Variants in GATAD1 observed in about 807,000 individuals in gnomAD.
The protein encoded by GATAD1 is GATA zinc finger domain-containing protein 1.
A neutral mutation model predicts 26.5 loss-of-function variants in GATAD1; 12 were observed. That is an observed-to-expected ratio of 0.45 (90% CI 0.29 to 0.73). The LOEUF is 0.73. Ranked by LOEUF, GATAD1 falls within the 30% of genes least tolerant of loss-of-function variation. The probability of loss-of-function intolerance (pLI) is 0.10; values close to 1 mark genes in which losing one functional copy is unlikely to be tolerated. For missense variants in GATAD1, 266 were observed against 342.1 expected, an observed-to-expected ratio of 0.78 and a Z score of 1.75; for synonymous variants, 129 against 133.1, an observed-to-expected ratio of 0.97 and a Z score of 0.21.
chr7:92,477,727 G>A, the GATAD1 span: 75 of 175,376 alleles, frequency 4.3e-4, no homozygotes, highest in African/African-American at 1.7e-3. Context: ...TGGGCGCCTC[G>A]CTGGATCAGG....
the GATAD1 span, among the ~76,000 whole-genome samples, chr7:92,465,851 A>C: frequency 6.6e-6 from 1 of 151,720 alleles, no homozygotes; most frequent in Non-Finnish European, 1.5e-5. Context: ...AAATACAAAA[A>C]TTAGCCCGGC....
Position 92,447,845 on chromosome 7 carries a change from C to G in GATAD1, c.116C>G (p.Ala39Gly). ...CATCATTGCACTGGCCGGGGCGGCG[C>G]GGGCAGCGGGGGCGCAGGCTCGGGG... ...LCHHCTGRGG[A>G]GSGGAGSGAA... is the part of the protein sequence containing the mutation. Residue 39 changes from alanine (A) to glycine (G), a missense_variant, in exon 1 of 5, where the codon GCG (alanine) becomes GGG (glycine). Ala to Gly is a moderately conservative substitution (Grantham distance 60). Coordinates refer to ENST00000287957, the MANE Select transcript of GATAD1 (RefSeq NM_021167.5). 1 of 1,393,084 alleles carries G rather than the reference C, an allele frequency of 7.2e-7. No individual in the cohort carries two copies. 86.3% of individuals were successfully genotyped at this position (1,393,084 alleles called of 1,614,324 possible).
rs1378111869 is a variant in GATAD1, at chr7:92,448,871, G to A, written c.369G>A (p.Leu123=). The part of the protein sequence containing the change: ...KGKGRRHIFK[L]KNPIKAPESV... ...AAGGGAGAAGACATATATTTAAATTGAAAAATGTAAGATATTTGTGGACAG... is the reference window on the plus strand; with the variant it reads ...AAGGGAGAAGACATATATTTAAATTAAAAAATGTAAGATATTTGTGGACAG... Residue 123 remains leucine, a synonymous_variant, in exon 2 of 5, where the codon TTG becomes TTA. Coordinates refer to ENST00000287957, the MANE Select transcript of GATAD1 (RefSeq NM_021167.5). 3 of 1,611,694 alleles carry A rather than the reference G, an allele frequency of 1.9e-6. No homozygotes were observed. Among genetic ancestry groups the A allele is most frequent in the East Asian group, 2.2e-5 (1 of 44,874 alleles).
the GATAD1 span, among the ~76,000 whole-genome samples, chr7:92,486,592 C>T: frequency 6.6e-6 from 1 of 152,120 alleles, no homozygotes; most frequent in Admixed American, 6.6e-5. Context: ...AACCTTGAAC[C>T]TCCTGGGAGC....
chr7:92,481,035 C>T, the GATAD1 span, among the ~76,000 whole-genome samples: 10 of 152,178 alleles, frequency 6.6e-5, no homozygotes, highest in Non-Finnish European at 1.3e-4. Flanking sequence ...GCAATCAGTT[C>T]GGCTTGCTGA....
chr7:92,483,303 A>G, the GATAD1 span, among the ~76,000 whole-genome samples: 1 of 152,326 alleles, frequency 6.6e-6, no homozygotes, highest in South Asian at 2.1e-4. Flanking sequence ...GCTGCAGTTC[A>G]GGTGTTTTGA....
chr7:92,454,728 A>T (rs763974809), intron 4 of GATAD1, 43 bp downstream of exon 4: 1 of 1,317,076 alleles, frequency 7.6e-7, no homozygotes, highest in South Asian at 1.3e-5. Context: ...AACTTAGTTA[A>T]CTCTCCAATA....
At chr7:92,474,269 G>GT in the GATAD1 span, among the ~76,000 whole-genome samples, 64 of 152,266 alleles carry the variant, frequency 4.2e-4, no homozygotes, top group African/African-American at 1.5e-3. Flanking sequence ...GACTTTTGAA[G>GT]TTTTTTTCTA....
chr7:92,474,299 T>C, the GATAD1 span, among the ~76,000 whole-genome samples: 2 of 152,106 alleles, frequency 1.3e-5, no homozygotes, highest in Admixed American at 6.5e-5. Flanking sequence ...GCTGACTGAG[T>C]GATAAACTTA....
At chr7:92,494,214 A>G in the GATAD1 span, 1 of 1,055,454 alleles carries the variant, frequency 9.5e-7, no homozygotes. Flanking sequence ...GACAATTGCC[A>G]TTACCTGGCA....
intron 4 of GATAD1, among the ~76,000 whole-genome samples, chr7:92,455,021 A>C (rs1422464550): frequency 6.6e-6 from 1 of 151,742 alleles, no homozygotes; most frequent in African/African-American, 2.4e-5. Flanking sequence ...TTATGGTTTC[A>C]TTTAACCTTA....
the GATAD1 span, among the ~76,000 whole-genome samples, chr7:92,477,108 C>T: frequency 1.3e-5 from 2 of 152,172 alleles, no homozygotes; most frequent in Non-Finnish European, 2.9e-5. Flanking sequence ...CGGCTACTGC[C>T]GGGAGTTCAG....
the GATAD1 span, chr7:92,489,698 G>A: frequency 2.5e-6 from 4 of 1,604,512 alleles, no homozygotes; most frequent in East Asian, 2.2e-5. Context: ...TTATAATGAG[G>A]GGGAAAAAGC....
At chr7:92,487,588 C>A in the GATAD1 span, 12 of 819,732 alleles carry the variant, frequency 1.5e-5, no homozygotes, top group Admixed American at 4.1e-5. Flanking sequence ...ACTACCATTA[C>A]AAAACAAAAG....
the GATAD1 span, chr7:92,470,522 T>C: frequency 8.8e-5 from 52 of 593,150 alleles, 1 homozygote; most frequent in East Asian, 1.5e-3. Context: ...TTGACTCAAG[T>C]GTGATGTATC....
chr7:92,449,112 A>G, intron 2 of GATAD1: 1 of 1,183,988 alleles, frequency 8.4e-7, no homozygotes, highest in Non-Finnish European at 1.1e-6. Flanking sequence ...TTCCCCTGGA[A>G]AATATAAAAT....
the GATAD1 span, chr7:92,489,654 A>G: frequency 6.8e-7 from 1 of 1,470,000 alleles, no homozygotes; most frequent in Non-Finnish European, 9.5e-7. Flanking sequence ...ATATATATCA[A>G]AAGGGTGAAA....
downstream of GATAD1, among the ~76,000 whole-genome samples, chr7:92,464,567 A>G (rs368357244): frequency 8.7e-4 from 132 of 152,316 alleles, 2 homozygotes; most frequent in East Asian, 9.4e-3. Context: ...CCTCTGCACA[A>G]ATATCCGAAG....
Position 92,456,607 on chromosome 7 carries a change from C to T in GATAD1, c.*45C>T, listed in dbSNP as rs765227703. 2.7e-5 allele frequency: 34 copies of T among 1,239,844 alleles called. No individual in the cohort carries two copies. In the Middle Eastern group the frequency reaches 5.7e-4, roughly 21 times the overall value. The allele number at this position is 1,239,844 out of a possible 1,614,324, so 76.8% of individuals were successfully genotyped here. On this transcript the variant is annotated 3_prime_UTR_variant, in exon 5 of 5. Transcript: ENST00000287957. The stretch of plus-strand genomic sequence containing the variant: ...TTTCCAGGCCTGGTGTGGTGGCTCA[C>T]GCCTGTAGCCCCAGCTATTGCACCA...
Sources: gnomAD v4.1 joint callset for allele counts (sites outside exome capture counted in the v4.1 genomes callset) on GRCh38, gnomAD v4.1.1 for gene constraint, MANE v1.5 for transcripts, NCBI Gene and HGNC (gene_info 2026-07-23, HGNC 2026-07-21) for gene names.